Variants in ATPSCKMT observed in about 807,000 individuals in gnomAD.
ATPSCKMT encodes ATP synthase c subunit lysine N-methyltransferase, also known as ATP synthase subunit C lysine N-methyltransferase.
ATPSCKMT carries 24 observed loss-of-function variants against 24.3 expected under a neutral mutation model. The ratio of observed to expected loss-of-function variants is 0.99; its 90% confidence interval spans 0.71 to 1.39. The LOEUF (loss-of-function observed/expected upper bound fraction) is 1.39, where lower values mean the gene tolerates loss of function less well. ATPSCKMT is among the 40% of genes most tolerant of loss of function. The probability of loss-of-function intolerance (pLI) is 0.00; values close to 1 mark genes in which losing one functional copy is unlikely to be tolerated. For synonymous variants in ATPSCKMT, 95 were observed against 110.5 expected, an observed-to-expected ratio of 0.86 and a Z score of 0.88; for missense variants, 311 against 298.4, an observed-to-expected ratio of 1.04 and a Z score of -0.31.
intron 3 of ATPSCKMT, 93 bp downstream of exon 3, chr5:10,236,385 C>A (rs1187794479): frequency 1.4e-6 from 2 of 1,387,638 alleles, no homozygotes; most frequent in Non-Finnish European, 9.7e-7. Context: ...AATTATTTTT[C>A]TTTTAATACA....
chr5:10,228,051 C>A (rs1743962532), intron 4 of ATPSCKMT, among the ~76,000 whole-genome samples: 1 of 152,128 alleles, frequency 6.6e-6, no homozygotes, highest in East Asian at 1.9e-4. Context: ...TGTTATGTTG[C>A]CCAGGCTGGT....
Position 10,227,547 on chromosome 5 carries a change from G to A in ATPSCKMT, c.596C>T (p.Thr199Met), listed in dbSNP as rs1015319070. The A allele has an allele frequency of 1.4e-5, 23 of 1,613,998 alleles. No homozygotes were observed. Among genetic ancestry groups the A allele is most frequent in the Admixed American group, 5.0e-5 (3 of 60,000 alleles). Residue 199 changes from threonine to methionine, a missense_variant, in exon 5 of 5, where the codon ACG becomes ATG. Physicochemically the swap from Thr to Met is moderately conservative, Grantham distance 81 (BLOSUM62 -1). Transcript: ENST00000511437. ...PFPHWTPDHV[T>M]GEGIDTVWAY... ...CCACACTGTGTCTATCCCCTCCCCC[G>A]TGACGTGGTCTGGAGTCCAATGTGG...
Position 10,234,555 on chromosome 5 carries a change from T to G in ATPSCKMT, c.495+656A>C, listed in dbSNP as rs572748516. Reference sequence around the variant, plus strand: ...TCACAGCATTTTAGCAAACATTCAATTCTGCCAATTTTATTATGGCTACAA... The same window carrying G: ...TCACAGCATTTTAGCAAACATTCAAGTCTGCCAATTTTATTATGGCTACAA... On this transcript the variant is annotated intron_variant, in intron 4 of 4. Coordinates refer to ENST00000511437, the MANE Select transcript of ATPSCKMT (RefSeq NM_199133.4). Among the ~76,000 whole-genome samples, 3 of 152,334 alleles carry G rather than the reference T, an allele frequency of 2.0e-5. No homozygotes were observed. In the East Asian group the frequency reaches 5.8e-4, roughly 29 times the overall value.
chr5:10,240,280 TCATAAA>T (rs1744580132), intron 1 of ATPSCKMT, among the ~76,000 whole-genome samples: 1 of 151,680 alleles, frequency 6.6e-6, no homozygotes, highest in Admixed American at 6.6e-5. Flanking sequence ...TTTAGTACTA[TCATAAA>T]CATAAAATAA....
chr5:10,247,282 T>G (rs1744977201), intron 1 of ATPSCKMT, among the ~76,000 whole-genome samples: 1 of 152,264 alleles, frequency 6.6e-6, no homozygotes. Flanking sequence ...GAAGTTACTA[T>G]GTACATCCAA....
chr5:10,235,708 T>C (rs1010206022), intron 3 of ATPSCKMT, among the ~76,000 whole-genome samples: 23 of 152,146 alleles, frequency 1.5e-4, no homozygotes, highest in Non-Finnish European at 2.4e-4. Flanking sequence ...ATCCTTAAAA[T>C]TTGAGTCCCC....
chr5:10,239,107 C>G lies in ATPSCKMT; in HGVS notation c.266G>C (p.Arg89Thr). Residue 89 changes from arginine (R) to threonine (T), a missense_variant, in exon 2 of 5, where the codon AGA (arginine) becomes ACA (threonine). By Grantham distance (71) the Arg-to-Thr change is moderately conservative (BLOSUM62 -1). Transcript: ENST00000511437. ...ACTACCGATGTCCACAAGGGATCCT[C>G]TTCGGCATCGCAACATTTTCACAAC... ...ENVVKMLRCR[R>T]GSLVDIGSGD... is the part of the protein sequence containing the mutation. 6.2e-7 allele frequency: 1 copy of G among 1,614,244 alleles called. No homozygotes were observed.
intron 4 of ATPSCKMT, among the ~76,000 whole-genome samples, chr5:10,230,430 G>C (rs895818673): frequency 2.6e-5 from 4 of 151,880 alleles, no homozygotes; most frequent in African/African-American, 9.7e-5. Context: ...CTCTTTTATA[G>C]TTTCTTTTAT....
intron 4 of ATPSCKMT, among the ~76,000 whole-genome samples, chr5:10,232,480 G>A (rs928252560): frequency 5.3e-5 from 8 of 152,218 alleles, no homozygotes; most frequent in African/African-American, 1.9e-4. Context: ...ACAAAGAAAT[G>A]CACAATAACC....
chr5:10,247,281 A>G (rs1744977097), intron 1 of ATPSCKMT, among the ~76,000 whole-genome samples: 1 of 152,238 alleles, frequency 6.6e-6, no homozygotes, highest in African/African-American at 2.4e-5. Context: ...AGAAGTTACT[A>G]TGTACATCCA....
At position 10,248,094 on chromosome 5, in the gene ATPSCKMT, G is replaced by A. The variant is rs368286116; in HGVS notation, c.16+1764C>T. On this transcript the variant is annotated intron_variant, in intron 1 of 4. Coordinates refer to ENST00000511437, the MANE Select transcript of ATPSCKMT (RefSeq NM_199133.4). ...AGTAACTAGCCACGTGTTTAAAGCGGGCTTATATCAGAATGTCACAACTCA... is the reference window on the plus strand; with the variant it reads ...AGTAACTAGCCACGTGTTTAAAGCGAGCTTATATCAGAATGTCACAACTCA... Among the ~76,000 whole-genome samples the A allele has an allele frequency of 1.4e-4, 21 of 152,272 alleles. No homozygotes were observed. The East Asian group carries it at 2.3e-3, about 17-fold the overall frequency.
intron 4 of ATPSCKMT, among the ~76,000 whole-genome samples, chr5:10,229,374 C>T (rs748725295): frequency 3.9e-5 from 6 of 152,144 alleles, no homozygotes; most frequent in African/African-American, 9.7e-5. Flanking sequence ...ATGAGCAGTG[C>T]GGTGTGTGGT....
intron 2 of ATPSCKMT, among the ~76,000 whole-genome samples, chr5:10,238,048 A>G (rs534264062): frequency 1.3e-5 from 2 of 152,312 alleles, no homozygotes; most frequent in South Asian, 2.1e-4. Flanking sequence ...CCTGGCCACT[A>G]ATAAATTTCT....
At chr5:10,235,295 G>A (rs1180233457) in intron 3 of ATPSCKMT, 34 bp from the exon 4 acceptor site, 10 of 1,594,244 alleles carry the variant, frequency 6.3e-6, no homozygotes, top group Non-Finnish European at 8.6e-6. Flanking sequence ...AGTAGATTAA[G>A]TGCAAAAAGC....
chr5:10,236,867 A>G, intron 2 of ATPSCKMT: 1 of 1,446,160 alleles, frequency 6.9e-7, no homozygotes, highest in Non-Finnish European at 9.2e-7. Context: ...ATTCAGGTTC[A>G]CTTGGAACAC....
At chr5:10,239,777 G>A (rs72738958) in intron 1 of ATPSCKMT, among the ~76,000 whole-genome samples, 4,870 of 152,192 alleles carry the variant, frequency 0.032, 109 homozygotes, top group Middle Eastern at 0.048. Context: ...CCAATTTCAA[G>A]TAGAATTAAA....
chr5:10,233,563 T>G (rs1303844976), intron 4 of ATPSCKMT, among the ~76,000 whole-genome samples: 1 of 150,836 alleles, frequency 6.6e-6, no homozygotes, highest in African/African-American at 2.5e-5. Context: ...ATAAGACTCT[T>G]ATTTCCCCTG....
chr5:10,231,748 G>A (rs1366781927), intron 4 of ATPSCKMT, among the ~76,000 whole-genome samples: 1 of 152,174 alleles, frequency 6.6e-6, no homozygotes. Flanking sequence ...CCTGGGGCAG[G>A]TGTGTTTTCT....
chr5:10,228,765 C>T (rs759564150), intron 4 of ATPSCKMT, among the ~76,000 whole-genome samples: 2 of 151,932 alleles, frequency 1.3e-5, no homozygotes, highest in Admixed American at 6.6e-5. Flanking sequence ...ATGCAACCTC[C>T]GCCTCCTAGA....
Sources: gnomAD v4.1 joint callset for allele counts (sites outside exome capture counted in the v4.1 genomes callset) on GRCh38, gnomAD v4.1.1 for gene constraint, MANE v1.5 for transcripts, NCBI Gene and HGNC (gene_info 2026-07-23, HGNC 2026-07-21) for gene names.